The following TUSC3 variants were observed in gnomAD, a reference collection of about 807,000 sequenced individuals.
The protein encoded by TUSC3 is dolichyl-diphosphooligosaccharide--protein glycosyltransferase subunit TUSC3.
In TUSC3, 45 loss-of-function variants were observed where a neutral mutation model predicts 44.8. The observed-to-expected ratio is 1.00, with a 90% confidence interval of 0.79 to 1.29. The LOEUF (loss-of-function observed/expected upper bound fraction) is 1.29, where lower values mean the gene tolerates loss of function less well. TUSC3 is among the 50% of genes most tolerant of loss of function. The pLI, the probability that TUSC3 is intolerant of heterozygous loss-of-function variation, is 0.00. For missense variants in TUSC3, 519 were observed against 437.9 expected (o/e 1.19, Z -1.65); for synonymous variants, 212 against 152.9 (o/e 1.39, Z -2.85).
At chr8:15,662,853 C>T (rs546643317) in intron 5 of TUSC3, among the ~76,000 whole-genome samples, 1 of 151,802 alleles carries the variant, frequency 6.6e-6, no homozygotes, top group Non-Finnish European at 1.5e-5. Context: ...AGAAACCTAA[C>T]CTAGAGTAAA....
chr8:15,429,586 A>G (rs1466611824), intron 1 of TUSC3, among the ~76,000 whole-genome samples: 1 of 151,262 alleles, frequency 6.6e-6, no homozygotes, highest in Non-Finnish European at 1.5e-5. Flanking sequence ...TTTTCATGAT[A>G]TTGATTCTTC....
At chr8:15,530,323 C>G (rs902392739) in intron 2 of TUSC3, among the ~76,000 whole-genome samples, 3 of 152,058 alleles carry the variant, frequency 2.0e-5, no homozygotes, top group Non-Finnish European at 4.4e-5. Flanking sequence ...TGTGTTTACC[C>G]TAGTGTCTGG....
At chr8:15,779,638 A>G in the TUSC3 span, among the ~76,000 whole-genome samples, 3 of 152,238 alleles carry the variant, frequency 2.0e-5, no homozygotes, top group African/African-American at 7.2e-5. Flanking sequence ...AGGAAGAGTA[A>G]AAATGTAACA....
intron 1 of TUSC3, among the ~76,000 whole-genome samples, chr8:15,555,388 C>T (rs903555823): frequency 6.9e-6 from 1 of 143,908 alleles, no homozygotes; most frequent in Non-Finnish European, 1.5e-5. Context: ...CCTTGACCTC[C>T]TGGGCTCAAG....
intron 7 of TUSC3, among the ~76,000 whole-genome samples, chr8:15,741,861 C>A (rs1457302888): frequency 6.6e-6 from 1 of 152,016 alleles, no homozygotes; most frequent in Non-Finnish European, 1.5e-5. Context: ...TGTTAAGGAT[C>A]CATATCAGTC....
intron 2 of TUSC3, among the ~76,000 whole-genome samples, chr8:15,626,126 C>G (rs1453729240): frequency 6.6e-6 from 1 of 152,114 alleles, no homozygotes; most frequent in Non-Finnish European, 1.5e-5. Flanking sequence ...CCCTGTGTCC[C>G]CAAGGTAGCT....
intron 5 of TUSC3, among the ~76,000 whole-genome samples, chr8:15,671,721 A>G (rs1563164812): frequency 6.6e-6 from 1 of 152,038 alleles, no homozygotes; most frequent in Non-Finnish European, 1.5e-5. Flanking sequence ...GTAGAATGTA[A>G]GCTTCCTAAT....
chr8:15,814,887 A>T, the TUSC3 span, among the ~76,000 whole-genome samples: 1 of 152,214 alleles, frequency 6.6e-6, no homozygotes, highest in Non-Finnish European at 1.5e-5. Context: ...TGTATACTTC[A>T]TAGTAAAGTT....
intron 5 of TUSC3, among the ~76,000 whole-genome samples, chr8:15,667,183 A>G (rs534909396): frequency 7.2e-5 from 11 of 151,728 alleles, no homozygotes; most frequent in East Asian, 5.8e-4. Context: ...GTTATCCTCA[A>G]TGCATAATTT....
intron 2 of TUSC3, among the ~76,000 whole-genome samples, chr8:15,487,316 G>C (rs1800746205): frequency 6.6e-6 from 1 of 152,052 alleles, no homozygotes; most frequent in African/African-American, 2.4e-5. Flanking sequence ...AGCAAGATTT[G>C]TCTCGTGATT....
intron 2 of TUSC3, among the ~76,000 whole-genome samples, chr8:15,631,835 A>G (rs1020504182): frequency 6.6e-6 from 1 of 152,090 alleles, no homozygotes; most frequent in East Asian, 1.9e-4. Flanking sequence ...CCTCTCAGGT[A>G]TCTGGGACTA....
the TUSC3 span, among the ~76,000 whole-genome samples, chr8:15,796,201 C>G: frequency 2.6e-5 from 4 of 152,060 alleles, no homozygotes; most frequent in Admixed American, 1.3e-4. Context: ...TTCAGGCAGC[C>G]AAGGTAACAA....
At chr8:15,651,014 CACACACACAA>C (rs908351837) in intron 3 of TUSC3, 200 bp downstream of exon 3, 2 of 428,394 alleles carry the variant, frequency 4.7e-6, no homozygotes, top group African/African-American at 2.1e-5. Context: ...CACACACACA[CACACACACAA>C]ATACAATTCA....
intron 1 of TUSC3, among the ~76,000 whole-genome samples, chr8:15,455,689 G>C (rs116018048): frequency 0.011 from 1,601 of 152,252 alleles, 23 homozygotes; most frequent in African/African-American, 0.031. Context: ...AATTACATCA[G>C]TTTAGGAGAT....
chr8:15,730,622 T>C (rs1250226566), intron 6 of TUSC3, 44 bp from the exon 7 acceptor site: 7 of 1,586,272 alleles, frequency 4.4e-6, no homozygotes, highest in South Asian at 2.2e-5. Context: ...AAAATAATTA[T>C]GAGGCTTTCT....
chr8:15,458,146 G>A (rs1043228904), intron 1 of TUSC3, among the ~76,000 whole-genome samples: 2 of 152,136 alleles, frequency 1.3e-5, no homozygotes, highest in Non-Finnish European at 2.9e-5. Context: ...GTGAGAGGAA[G>A]GAAGGTGACG....
chr8:15,790,898 C>T, the TUSC3 span, among the ~76,000 whole-genome samples: 1 of 152,082 alleles, frequency 6.6e-6, no homozygotes, highest in Non-Finnish European at 1.5e-5. Flanking sequence ...GAAGACTTCT[C>T]AAGGAGTAGA....
At position 15,620,663 on chromosome 8, in the gene TUSC3, C is replaced by G. The variant is rs546413749; in HGVS notation, c.139-2417C>G. On this transcript the variant is annotated intron_variant, in intron 1 of 10. Coordinates refer to ENST00000503731, the MANE Select transcript of TUSC3 (RefSeq NM_006765.4). ...GTTTTTGAAGGCACTTGTAACTTAC[C>G]TAGTCCTTTGTTACTTAAATAAGAA... Among the ~76,000 whole-genome samples, 8 of 152,168 alleles carry G rather than the reference C, an allele frequency of 5.3e-5. No homozygotes were observed. The East Asian group carries it at 1.2e-3, about 22-fold the overall frequency.
chr8:15,785,881 T>G, the TUSC3 span, among the ~76,000 whole-genome samples: 1 of 151,850 alleles, frequency 6.6e-6, no homozygotes, highest in Non-Finnish European at 1.5e-5. Context: ...ATTTCAGAAG[T>G]TCTATGCTGC....
Sources: allele counts gnomAD v4.1 joint callset (sites outside exome capture counted in the v4.1 genomes callset), GRCh38; gene constraint gnomAD v4.1.1; transcripts MANE v1.5; gene names NCBI Gene and HGNC (gene_info 2026-07-23, HGNC 2026-07-21).